GNG12: variants seen among roughly 807,000 people sequenced by gnomAD.
GNG12 encodes guanine nucleotide-binding protein G(I)/G(S)/G(O) subunit gamma-12.
For synonymous variants in GNG12, 28 were observed against 29.7 expected (o/e 0.94, Z 0.19); for missense variants, 69 against 83.8 (o/e 0.82, Z 0.69).
chr1:67,761,338 C>A (rs1646602970), intron 2 of GNG12, among the ~76,000 whole-genome samples: 1 of 152,200 alleles, frequency 6.6e-6, no homozygotes, highest in Non-Finnish European at 1.5e-5. Context: ...AAATCATGCT[C>A]TAAAATAGTT....
rs1553153933 is a variant in GNG12, at chr1:67,709,950, TTATATATATAGTTATATATATAGTTA to T, written c.-26-2264_-26-2239del. Among the ~76,000 whole-genome samples, 7 of 20,954 alleles carry T rather than the reference TTATATATATAGTTATATATATAGTTA, an allele frequency of 3.3e-4. No individual in the cohort carries two copies. In the East Asian group the frequency reaches 3.4e-3, roughly 10 times the overall value. The allele number at this position is 20,954 out of a possible 152,430, so 13.7% of individuals were successfully genotyped here. On this transcript the variant is annotated intron_variant, in intron 2 of 3. Transcript: ENST00000370982. ...TATATATATAGTTATATATATATAGTTATATATATAGTTATATATATAGTTATATATATATAGTTATATATATAGTT... is the reference window on the plus strand; with the variant it reads ...TATATATATAGTTATATATATATAGTTATATATATAGTTATATATATAGTT...
At chr1:67,796,669 C>T (rs1301236356) in intron 1 of GNG12, among the ~76,000 whole-genome samples, 1 of 152,100 alleles carries the variant, frequency 6.6e-6, no homozygotes, top group East Asian at 1.9e-4. Context: ...ATCAGTGTTT[C>T]ATAGGTGGGG....
intron 2 of GNG12, among the ~76,000 whole-genome samples, chr1:67,711,578 G>A (rs1201690237): frequency 6.6e-6 from 1 of 152,128 alleles, no homozygotes; most frequent in Non-Finnish European, 1.5e-5. Flanking sequence ...GGAAGAAGAG[G>A]TGACAGTCTG....
rs1488286180 is a variant in GNG12, at chr1:67,703,734, C to T, written c.*1717G>A. The T allele has an allele frequency of 2.0e-5, 3 of 152,174 alleles. No individual in the cohort carries two copies. Among genetic ancestry groups the T allele is most frequent in the African/African-American group, 7.2e-5 (3 of 41,448 alleles). The allele number at this position is 152,174 out of a possible 1,614,324, so 9.4% of individuals were successfully genotyped here. On this transcript the variant is annotated 3_prime_UTR_variant, in exon 4 of 4. Coordinates refer to ENST00000370982, the MANE Select transcript of GNG12 (RefSeq NM_018841.6). ...AGAAAAGCGAGGGGCATTCATAAGGCTGAGTAGATAGCAACTTGGAGAAAT... is the reference window on the plus strand; with the variant it reads ...AGAAAAGCGAGGGGCATTCATAAGGTTGAGTAGATAGCAACTTGGAGAAAT...
chr1:67,750,505 C>T (rs2100725031), intron 2 of GNG12, among the ~76,000 whole-genome samples: 1 of 152,308 alleles, frequency 6.6e-6, no homozygotes, highest in African/African-American at 2.4e-5. Context: ...TTTCACCCTG[C>T]TATGCTCATC....
At chr1:67,785,268 G>A (rs756494682) in intron 1 of GNG12, among the ~76,000 whole-genome samples, 8 of 151,854 alleles carry the variant, frequency 5.3e-5, no homozygotes, top group African/African-American at 9.7e-5. Context: ...CTCACAAAAC[G>A]GATCCACCCT....
Position 67,709,852 on chromosome 1 carries a change from TTATA to T in GNG12, c.-26-2144_-26-2141del, listed in dbSNP as rs543337892. On this transcript the variant is annotated intron_variant, in intron 2 of 3. Coordinates refer to ENST00000370982, the MANE Select transcript of GNG12 (RefSeq NM_018841.6). ...AATATATATATATTTGTATATATAT[TTATA>T]TATATATAGTTATATATATATTTAT... 6.5e-5 allele frequency among the ~76,000 whole-genome samples: 8 copies of T among 122,920 alleles called. No individual in the cohort carries two copies. The South Asian group carries it at 9.0e-4, about 14-fold the overall frequency. 80.6% of individuals were successfully genotyped at this position (122,920 alleles called of 152,430 possible).
At chr1:67,749,783 C>T (rs1033961257) in intron 2 of GNG12, among the ~76,000 whole-genome samples, 4 of 152,132 alleles carry the variant, frequency 2.6e-5, no homozygotes, top group African/African-American at 9.7e-5. Flanking sequence ...AATTTTTATC[C>T]ACAACTTGTT....
At chr1:67,733,813 T>C (rs1646435353) in intron 2 of GNG12, among the ~76,000 whole-genome samples, 1 of 152,190 alleles carries the variant, frequency 6.6e-6, no homozygotes, top group Non-Finnish European at 1.5e-5. Flanking sequence ...GTTGCAGGAC[T>C]TTCCAACAAA....
chr1:67,794,876 T>C (rs1646821065), intron 1 of GNG12, among the ~76,000 whole-genome samples: 1 of 152,140 alleles, frequency 6.6e-6, no homozygotes, highest in Admixed American at 6.5e-5. Flanking sequence ...CAACCAACCA[T>C]CCAACCATCC....
chr1:67,814,684 C>G (rs767803592), intron 1 of GNG12, among the ~76,000 whole-genome samples: 15 of 152,176 alleles, frequency 9.9e-5, no homozygotes, highest in Non-Finnish European at 1.6e-4. Context: ...GTTTTATATG[C>G]TTATCAGGAC....
intron 1 of GNG12, among the ~76,000 whole-genome samples, chr1:67,797,474 C>T (rs1646838505): frequency 6.6e-6 from 1 of 152,100 alleles, no homozygotes; most frequent in African/African-American, 2.4e-5. Flanking sequence ...CAAAGTCAGG[C>T]AGCACAAAAC....
chr1:67,826,286 T>G (rs765769698), intron 1 of GNG12, among the ~76,000 whole-genome samples: 1 of 152,240 alleles, frequency 6.6e-6, no homozygotes, highest in Non-Finnish European at 1.5e-5. Flanking sequence ...CTTGATAGCA[T>G]CAGAAAGAAG....
chr1:67,818,988 T>C (rs1480761507), intron 1 of GNG12, among the ~76,000 whole-genome samples: 1 of 152,110 alleles, frequency 6.6e-6, no homozygotes, highest in African/African-American at 2.4e-5. Context: ...TAGACAATTT[T>C]CTATTGTCTA....
At chr1:67,794,359 C>A (rs1217231978) in intron 1 of GNG12, among the ~76,000 whole-genome samples, 1 of 152,142 alleles carries the variant, frequency 6.6e-6, no homozygotes, top group African/African-American at 2.4e-5. Flanking sequence ...CAGGAGAATG[C>A]TGGGGAAGGA....
chr1:67,797,847 C>T (rs1380696838), intron 1 of GNG12, among the ~76,000 whole-genome samples: 1 of 152,170 alleles, frequency 6.6e-6, no homozygotes, highest in East Asian at 1.9e-4. Flanking sequence ...CCTCAGGTGA[C>T]TGCACCGGCC....
intron 2 of GNG12, among the ~76,000 whole-genome samples, chr1:67,736,920 T>C (rs1646455727): frequency 6.6e-6 from 1 of 152,184 alleles, no homozygotes; most frequent in South Asian, 2.1e-4. Flanking sequence ...ACAGCAACAC[T>C]GGAAAAGAAG....
intron 2 of GNG12, among the ~76,000 whole-genome samples, chr1:67,728,459 T>C (rs756911127): frequency 2.6e-5 from 4 of 152,216 alleles, no homozygotes; most frequent in Middle Eastern, 3.2e-3. Context: ...CCTTGTTTGC[T>C]TCTCTCTGGA....
At chr1:67,826,705 C>A (rs1647012924) in intron 1 of GNG12, among the ~76,000 whole-genome samples, 2 of 152,190 alleles carry the variant, frequency 1.3e-5, no homozygotes, top group African/African-American at 2.4e-5. Context: ...CTTCAATAAG[C>A]CTCAATAAAG....
Sources: allele counts gnomAD v4.1 joint callset (sites outside exome capture counted in the v4.1 genomes callset), GRCh38; gene constraint gnomAD v4.1.1; transcripts MANE v1.5; gene names NCBI Gene and HGNC (gene_info 2026-07-23, HGNC 2026-07-21).